Variants in SRD5A2 observed in about 807,000 individuals in gnomAD.
SRD5A2 encodes the protein 3-oxo-5-alpha-steroid 4-dehydrogenase 2.
Under a neutral mutation model 27.4 loss-of-function variants are expected in SRD5A2, and 30 were observed. The observed-to-expected ratio is 1.10, with a 90% CI of 0.82 to 1.49. The LOEUF is 1.49. Ranked by LOEUF, SRD5A2 falls within the 40% of genes most tolerant of loss-of-function variation. SRD5A2 has a pLI of 0.00. For missense variants in SRD5A2, 348 were observed against 323.4 expected (o/e 1.08, Z -0.58); for synonymous variants, 141 against 133.6 (o/e 1.06, Z -0.38).
At chr2:31,636,887 A>G in the SRD5A2 span, among the ~76,000 whole-genome samples, 1 of 152,032 alleles carries the variant, frequency 6.6e-6, no homozygotes. Flanking sequence ...CATTTGGTTG[A>G]GGATTTTTGC....
intron 1 of SRD5A2, among the ~76,000 whole-genome samples, chr2:31,548,674 T>C (rs1015454393): frequency 3.9e-5 from 6 of 152,176 alleles, no homozygotes; most frequent in African/African-American, 1.2e-4. Flanking sequence ...GAAAACAATA[T>C]GGTGGTTACT....
rs1297369552 is a variant in SRD5A2 at position 31,522,969 on chromosome 2, AG to A, written c.*3226del. The stretch of plus-strand genomic sequence containing the variant: ...TCCAAGAGAGCTATTATCAAACTTC[AG>A]GGTTGTAAAACCACGGATTTATTTA... On this transcript the variant is annotated 3_prime_UTR_variant, in exon 5 of 5. Coordinates refer to ENST00000622030, the MANE Select transcript of SRD5A2 (RefSeq NM_000348.4). The A allele has an allele frequency of 9.0e-6, 2 of 221,172 alleles. No individual in the cohort carries two copies. Among genetic ancestry groups the A allele is most frequent in the Non-Finnish European group, 1.8e-5 (2 of 110,548 alleles). The allele number at this position is 221,172 out of a possible 1,614,324, so 13.7% of individuals were successfully genotyped here. A position where few individuals can be genotyped will look rare whatever the true frequency, so the allele number is the denominator to read the frequency against.
rs1398074866 is a variant in SRD5A2, at chr2:31,522,653, C to T, written c.*3543G>A. On this transcript the variant is annotated 3_prime_UTR_variant, in exon 5 of 5. Coordinates refer to ENST00000622030, the MANE Select transcript of SRD5A2 (RefSeq NM_000348.4). ...GTCTTACTTAGAAATTAAATCCACTCGATGGCTTATTAAATCACCCAAGAA... is the reference window on the plus strand; with the variant it reads ...GTCTTACTTAGAAATTAAATCCACTTGATGGCTTATTAAATCACCCAAGAA... The T allele has an allele frequency of 1.4e-5, 3 of 220,402 alleles. No individual in the cohort carries two copies. Among genetic ancestry groups the T allele is most frequent in the African/African-American group, 4.5e-5 (2 of 44,724 alleles). The allele number at this position is 220,402 out of a possible 1,614,324, so 13.7% of individuals were successfully genotyped here.
intron 2 of SRD5A2, 57 bp from the exon 3 acceptor site, chr2:31,531,529 C>T (rs1450624764): frequency 5.0e-6 from 5 of 1,004,506 alleles, no homozygotes; most frequent in Middle Eastern, 5.0e-4. Flanking sequence ...GATTGTGGTG[C>T]TTTTTTCACA....
chr2:31,581,147 G>C, upstream of SRD5A2: 1 of 533,620 alleles, frequency 1.9e-6, no homozygotes, highest in Non-Finnish European at 3.3e-6. Flanking sequence ...CCCTCTCCAC[G>C]GCTTTACATT....
the SRD5A2 span, among the ~76,000 whole-genome samples, chr2:31,625,853 T>A: frequency 1.3e-4 from 20 of 152,210 alleles, no homozygotes; most frequent in Admixed American, 1.2e-3. Context: ...GGCTCTTTTC[T>A]GGTTCCATAC....
the SRD5A2 span, among the ~76,000 whole-genome samples, chr2:31,631,332 G>A: frequency 6.6e-6 from 1 of 152,122 alleles, no homozygotes; most frequent in Non-Finnish European, 1.5e-5. Flanking sequence ...ACATCAGTGA[G>A]CATAACTAAT....
At chr2:31,551,383 C>A (rs1242145781) in intron 1 of SRD5A2, among the ~76,000 whole-genome samples, 10 of 152,084 alleles carry the variant, frequency 6.6e-5, no homozygotes, top group Non-Finnish European at 1.2e-4. Context: ...GAGATTACTT[C>A]CTGATAAAAC....
chr2:31,609,354 T>A, the SRD5A2 span, among the ~76,000 whole-genome samples: 2 of 151,980 alleles, frequency 1.3e-5, no homozygotes, highest in Non-Finnish European at 2.9e-5. Flanking sequence ...CATTACCCAA[T>A]TATAAAACTT....
the SRD5A2 span, among the ~76,000 whole-genome samples, chr2:31,618,702 A>ATGT: frequency 1.3e-5 from 2 of 152,148 alleles, no homozygotes; most frequent in Admixed American, 1.3e-4. Context: ...GAAAGGGAAG[A>ATGT]TGTTGTTCAA....
At chr2:31,621,241 T>C in the SRD5A2 span, among the ~76,000 whole-genome samples, 3 of 151,936 alleles carry the variant, frequency 2.0e-5, no homozygotes, top group African/African-American at 4.8e-5. Context: ...TGCCCTCTCA[T>C]AGTCACACTC....
intron 1 of SRD5A2, among the ~76,000 whole-genome samples, chr2:31,540,087 C>T (rs1267249233): frequency 6.6e-6 from 1 of 152,060 alleles, no homozygotes; most frequent in East Asian, 1.9e-4. Flanking sequence ...TTTCTACACT[C>T]AAACTGGTAA....
chr2:31,591,107 G>A, the SRD5A2 span, among the ~76,000 whole-genome samples: 1 of 152,114 alleles, frequency 6.6e-6, no homozygotes, highest in South Asian at 2.1e-4. Flanking sequence ...AAACTAAAGG[G>A]CTTCTGCACA....
At chr2:31,623,779 C>G in the SRD5A2 span, among the ~76,000 whole-genome samples, 1 of 152,030 alleles carries the variant, frequency 6.6e-6, no homozygotes. Flanking sequence ...TATGTTCCTT[C>G]AATATCTAGT....
chr2:31,646,112 T>C, the SRD5A2 span, among the ~76,000 whole-genome samples: 1 of 152,106 alleles, frequency 6.6e-6, no homozygotes, highest in Non-Finnish European at 1.5e-5. Context: ...CAGTTGATCA[T>C]AGTTCATCAA....
At chr2:31,552,090 T>G (rs545600585) in intron 1 of SRD5A2, among the ~76,000 whole-genome samples, 15 of 150,470 alleles carry the variant, frequency 1.0e-4, no homozygotes, top group South Asian at 6.4e-4. Context: ...TTCAGGGGAG[T>G]GATATCAGCA....
At chr2:31,555,450 C>T (rs1023631486) in intron 1 of SRD5A2, among the ~76,000 whole-genome samples, 1 of 152,152 alleles carries the variant, frequency 6.6e-6, no homozygotes, top group African/African-American at 2.4e-5. Flanking sequence ...CAACAAATCT[C>T]GGTAAGGTTT....
chr2:31,568,502 T>C (rs1666783711), intron 1 of SRD5A2, among the ~76,000 whole-genome samples: 1 of 151,984 alleles, frequency 6.6e-6, no homozygotes, highest in Non-Finnish European at 1.5e-5. Flanking sequence ...AGTCCAGAGT[T>C]TTTATAGCCT....
the SRD5A2 span, among the ~76,000 whole-genome samples, chr2:31,623,765 G>C: frequency 6.6e-6 from 1 of 152,160 alleles, no homozygotes; most frequent in Non-Finnish European, 1.5e-5. Context: ...TTATTATTTA[G>C]AGGTATGTTC....
Sources: allele counts gnomAD v4.1 joint callset (sites outside exome capture counted in the v4.1 genomes callset), GRCh38; gene constraint gnomAD v4.1.1; transcripts MANE v1.5; gene names NCBI Gene and HGNC (gene_info 2026-07-23, HGNC 2026-07-21).